COA1: variants seen among roughly 807,000 people sequenced by gnomAD.
COA1 encodes cytochrome c oxidase assembly factor 1, also known as cytochrome c oxidase assembly factor 1 homolog.
In COA1, 13 loss-of-function variants were observed where a neutral mutation model predicts 16.0. The observed-to-expected ratio is 0.81, with a 90% CI of 0.53 to 1.29. COA1 has a LOEUF of 1.29. COA1 is among the 50% of genes most tolerant of loss of function. The pLI is 0.00. For missense variants in COA1, 179 were observed against 177.0 expected (o/e 1.01, Z -0.06); for synonymous variants, 65 against 65.7 (o/e 0.99, Z 0.05).
At chr7:43,720,366 T>C (rs1197464631) in intron 1 of COA1, among the ~76,000 whole-genome samples, 1 of 152,190 alleles carries the variant, frequency 6.6e-6, no homozygotes, top group Non-Finnish European at 1.5e-5. Flanking sequence ...CTGCCTTTCC[T>C]CTTTATTAAG....
chr7:43,693,348 T>C (rs67155510), intron 1 of COA1, among the ~76,000 whole-genome samples: 65,710 of 151,894 alleles, frequency 0.43, 14,654 homozygotes, highest in African/African-American at 0.55. Flanking sequence ...GCTATGACAC[T>C]CTCTCCAACA....
intron 1 of COA1, among the ~76,000 whole-genome samples, chr7:43,700,455 G>C (rs964803725): frequency 6.6e-6 from 1 of 151,592 alleles, no homozygotes; most frequent in African/African-American, 2.4e-5. Context: ...TCCGGCCTGA[G>C]ATTTCAAATA....
At chr7:43,644,795 G>T (rs10244096) in intron 4 of COA1, among the ~76,000 whole-genome samples, 10 of 111,514 alleles carry the variant, frequency 9.0e-5, no homozygotes, top group African/African-American at 1.4e-4. Context: ...GGCAGGCAGA[G>T]AGACAGAGAG....
chr7:43,639,540 G>A lies in COA1; in HGVS notation c.*42C>T, dbSNP rs1394587261. 6.6e-7 allele frequency: 1 copy of A among 1,520,756 alleles called. No individual in the cohort carries two copies. Among genetic ancestry groups the A allele is most frequent in the South Asian group, 1.1e-5 (1 of 89,090 alleles). The allele number at this position is 1,520,756 out of a possible 1,614,324, so 94.2% of individuals were successfully genotyped here. On this transcript the variant is annotated 3_prime_UTR_variant, in exon 6 of 6. Coordinates refer to ENST00000223336, the MANE Select transcript of COA1 (RefSeq NM_018224.4). The stretch of plus-strand genomic sequence containing the variant: ...CCAGTGGCCATATGGTAGAGATGAG[G>A]GAAGGATGGACTAGAAGCAAGCTGG...
intron 1 of COA1, among the ~76,000 whole-genome samples, chr7:43,658,294 G>A (rs2092025200): frequency 6.6e-6 from 1 of 151,888 alleles, no homozygotes; most frequent in African/African-American, 2.4e-5. Context: ...GAGAGGCAGA[G>A]CCTGCAGTGA....
intron 1 of COA1, among the ~76,000 whole-genome samples, chr7:43,651,603 T>C (rs1261139814): frequency 1.4e-5 from 2 of 144,248 alleles, no homozygotes; most frequent in Non-Finnish European, 3.0e-5. Context: ...GTTCAAGCCA[T>C]AGACAGGATC....
intron 1 of COA1, among the ~76,000 whole-genome samples, chr7:43,686,337 C>A (rs1007680626): frequency 1.5e-5 from 2 of 134,442 alleles, no homozygotes; most frequent in Non-Finnish European, 3.1e-5. Flanking sequence ...GACGGAGTCT[C>A]GTTCTGTCGC....
intron 6 of COA1, among the ~76,000 whole-genome samples, chr7:43,610,871 C>T (rs2082809169): frequency 6.6e-6 from 1 of 152,068 alleles, no homozygotes; most frequent in African/African-American, 2.4e-5. Flanking sequence ...AATCCCAGCA[C>T]TTTGGGAGGT....
chr7:43,728,149 T>C (rs2095657611), intron 1 of COA1, among the ~76,000 whole-genome samples: 1 of 152,110 alleles, frequency 6.6e-6, no homozygotes, highest in South Asian at 2.1e-4. Context: ...TAATTTTTTG[T>C]ATTTTTAGTG....
At chr7:43,674,598 T>C (rs779113201) in intron 1 of COA1, among the ~76,000 whole-genome samples, 1 of 152,216 alleles carries the variant, frequency 6.6e-6, no homozygotes, top group South Asian at 2.1e-4. Flanking sequence ...CTCCTTGTGT[T>C]AGAAAAGAAT....
At chr7:43,716,406 G>A (rs2095395642) in intron 1 of COA1, among the ~76,000 whole-genome samples, 6 of 152,180 alleles carry the variant, frequency 3.9e-5, no homozygotes, top group Admixed American at 3.9e-4. Context: ...CTCCTGTTAT[G>A]TTTTAGCAAG....
chr7:43,723,962 A>G (rs970062439), intron 1 of COA1, among the ~76,000 whole-genome samples: 1 of 152,124 alleles, frequency 6.6e-6, no homozygotes, highest in Non-Finnish European at 1.5e-5. Context: ...GATCATAGAG[A>G]TGTTTACAAT....
chr7:43,614,746 C>T (rs1389821108), intron 6 of COA1, among the ~76,000 whole-genome samples: 1 of 152,176 alleles, frequency 6.6e-6, no homozygotes, highest in Non-Finnish European at 1.5e-5. Flanking sequence ...GAAAGTCTCT[C>T]ACATTGGTGT....
chr7:43,627,995 GTGT>G (rs2084765074), intron 6 of COA1, among the ~76,000 whole-genome samples: 2 of 151,974 alleles, frequency 1.3e-5, no homozygotes, highest in Non-Finnish European at 2.9e-5. Flanking sequence ...GTTTTGTGTT[GTGT>G]TGTTGAGACT....
Position 43,639,549 on chromosome 7 carries a change from G to A in COA1, c.*33C>T, listed in dbSNP as rs2086530126. 1.9e-6 allele frequency: 3 copies of A among 1,557,516 alleles called. No individual in the cohort carries two copies. The highest frequency in any genetic ancestry group is 2.7e-6 in the Non-Finnish European group (3 of 1,128,886). ...ATATGGTAGAGATGAGGGAAGGATG[G>A]ACTAGAAGCAAGCTGGGTCTTCTGG... On this transcript the variant is annotated 3_prime_UTR_variant, in exon 6 of 6. Coordinates refer to ENST00000223336, the MANE Select transcript of COA1 (RefSeq NM_018224.4).
intron 1 of COA1, among the ~76,000 whole-genome samples, chr7:43,712,318 G>A (rs547484800): frequency 1.3e-5 from 2 of 152,118 alleles, no homozygotes; most frequent in East Asian, 3.9e-4. Flanking sequence ...TTACCATGTT[G>A]GCCAGGCTGG....
intron 1 of COA1, among the ~76,000 whole-genome samples, chr7:43,697,535 C>G (rs2094569893): frequency 6.6e-6 from 1 of 152,198 alleles, no homozygotes; most frequent in African/African-American, 2.4e-5. Flanking sequence ...ATCCGCCTGC[C>G]TCGGCTTCCC....
intron 1 of COA1, among the ~76,000 whole-genome samples, chr7:43,651,123 T>C (rs2090683870): frequency 6.6e-6 from 1 of 152,232 alleles, no homozygotes; most frequent in Non-Finnish European, 1.5e-5. Context: ...GAGTTTAGGC[T>C]AACTGCACGA....
At chr7:43,616,347 A>T (rs565194066) in intron 6 of COA1, among the ~76,000 whole-genome samples, 2 of 152,124 alleles carry the variant, frequency 1.3e-5, no homozygotes, top group African/African-American at 4.8e-5. Context: ...TTATACTACC[A>T]CTAGTCCTAA....
Sources: gnomAD v4.1 joint callset for allele counts (sites outside exome capture counted in the v4.1 genomes callset) on GRCh38, gnomAD v4.1.1 for gene constraint, MANE v1.5 for transcripts, NCBI Gene and HGNC (gene_info 2026-07-23, HGNC 2026-07-21) for gene names.